Variants in RADX observed in about 807,000 individuals in gnomAD.
RADX encodes the protein RPA-related protein RADX.
In RADX, 36 loss-of-function variants were observed where a neutral mutation model predicts 61.6. That is an observed-to-expected ratio of 0.58 (90% confidence interval 0.45 to 0.77). The LOEUF is 0.77. Among genes scored for constraint, RADX ranks in the 30% least tolerant of loss-of-function variants. RADX has a pLI of 0.00. For missense variants in RADX, 497 were observed against 651.1 expected, an observed-to-expected ratio of 0.76 and a Z score of 2.58; for synonymous variants, 272 against 237.9, an observed-to-expected ratio of 1.14 and a Z score of -1.32.
chrX:106,613,225 G>T (rs1379378316), intron 1 of RADX, among the ~76,000 whole-genome samples: 2 of 111,932 alleles, frequency 1.8e-5, no homozygotes, highest in Non-Finnish European at 3.8e-5. Context: ...ACTTTACATT[G>T]ATTGAAACGC....
chrX:106,643,518 A>G (rs1195456031), intron 10 of RADX, among the ~76,000 whole-genome samples: 4 of 111,315 alleles, frequency 3.6e-5, no homozygotes, highest in African/African-American at 1.3e-4. Context: ...ATGGCAAGAG[A>G]TAGGGGTATA....
At chrX:106,671,164 G>GCT in intron 13 of RADX, among the ~76,000 whole-genome samples, 1 of 111,465 alleles carries the variant, frequency 9.0e-6, no homozygotes, top group Non-Finnish European at 1.9e-5. Context: ...GTATTCTATT[G>GCT]CTCTCTCTCT....
chrX:106,612,513 C>A lies in RADX; in HGVS notation c.433C>A (p.Gln145Lys), dbSNP rs1373547947. Residue 145 changes from glutamine (Q) to lysine (K), a missense_variant, in exon 1 of 14, where the codon CAG becomes AAG. Transcript: ENST00000372548. The part of the protein sequence containing the change: ...SCLYNEKRIG[Q>K]GILCIDNVHC... ...TCTTTACAATGAGAAAAGGATAGGC[C>A]AGGGGATCCTGTGCATAGATAACGT... is the stretch of plus-strand genomic sequence containing the variant. 3.3e-6 allele frequency: 4 copies of A among 1,210,017 alleles called. No individual in the cohort carries two copies. Among genetic ancestry groups the A allele is most frequent in the Non-Finnish European group, 4.5e-6 (4 of 894,158 alleles).
Position 106,632,968 on chromosome X carries a change from T to G in RADX, c.1125T>G (p.Cys375Trp), listed in dbSNP as rs1927270221. 1 of 1,208,580 alleles carries G rather than the reference T, an allele frequency of 8.3e-7. No homozygotes were observed. The highest frequency in any genetic ancestry group is 1.7e-5 in the African/African-American group (1 of 57,253). Residue 375 changes from cysteine (C) to tryptophan (W), a missense_variant, in exon 5 of 14, where the codon TGT (cysteine) becomes TGG (tryptophan). By Grantham distance (215) the Cys-to-Trp change is radical (BLOSUM62 -2). This residue lies in a region of RADX where 196 missense variants were observed against 315.0 expected (regional missense o/e 0.62). Coordinates refer to ENST00000372548, the MANE Select transcript of RADX (RefSeq NM_018015.6). ...ELDDMPENCI[C>W]DVIGLLVFVG... is the part of the protein sequence containing the mutation. Reference sequence around the variant, plus strand: ...ATGATATGCCAGAAAATTGCATCTGTGATGTTATTGGCCTTTTAGTTTTTG... The same window carrying G: ...ATGATATGCCAGAAAATTGCATCTGGGATGTTATTGGCCTTTTAGTTTTTG...
chrX:106,675,022 C>CA (rs10715478), intron 13 of RADX, among the ~76,000 whole-genome samples: 1,260 of 79,999 alleles, frequency 0.016, 14 homozygotes, highest in African/African-American at 0.042. Context: ...GACTCCATCT[C>CA]AAAAAAAAAA....
intron 10 of RADX, among the ~76,000 whole-genome samples, chrX:106,647,680 C>T (rs1026290037): frequency 9.0e-6 from 1 of 111,056 alleles, no homozygotes; most frequent in African/African-American, 3.3e-5. Flanking sequence ...TGGATTTAAG[C>T]CACTTTTACT....
intron 13 of RADX, among the ~76,000 whole-genome samples, chrX:106,677,434 T>TA (rs757301256): frequency 5.1e-4 from 57 of 111,007 alleles, no homozygotes; most frequent in Non-Finnish European, 9.1e-4. Flanking sequence ...TGTCAGCTTA[T>TA]AAGATGCTTT....
chrX:106,655,692 T>C (rs745751143), intron 11 of RADX, among the ~76,000 whole-genome samples: 1 of 111,472 alleles, frequency 9.0e-6, no homozygotes, highest in Admixed American at 9.5e-5. Flanking sequence ...TATGGCTACA[T>C]AGTATTCCAT....
At chrX:106,635,669 T>G (rs1355731736) in intron 6 of RADX, among the ~76,000 whole-genome samples, 1 of 112,274 alleles carries the variant, frequency 8.9e-6, no homozygotes, top group Non-Finnish European at 1.9e-5. Context: ...TGTACAGTTG[T>G]GCTCTGGAGA....
chrX:106,654,059 G>A (rs1445337268), intron 11 of RADX, among the ~76,000 whole-genome samples: 1 of 111,184 alleles, frequency 9.0e-6, no homozygotes, highest in Non-Finnish European at 1.9e-5. Flanking sequence ...CCCAGTAATG[G>A]GATTGCTGGG....
intron 13 of RADX, among the ~76,000 whole-genome samples, chrX:106,671,582 G>A (rs1928361786): frequency 9.0e-6 from 1 of 111,229 alleles, no homozygotes; most frequent in Non-Finnish European, 1.9e-5. Flanking sequence ...ATGTAACTTT[G>A]GTAGATACTG....
chrX:106,662,595 T>A (rs1226254171), intron 12 of RADX, among the ~76,000 whole-genome samples: 3 of 109,475 alleles, frequency 2.7e-5, no homozygotes, highest in African/African-American at 1.0e-4. Flanking sequence ...CAGCTTCTGT[T>A]CTCCCTTAGC....
intron 13 of RADX, among the ~76,000 whole-genome samples, chrX:106,674,246 G>T (rs188595487): frequency 9.0e-6 from 1 of 110,975 alleles, no homozygotes; most frequent in Non-Finnish European, 1.9e-5. Flanking sequence ...CTTCTATTCC[G>T]CCCTCCTGCT....
intron 13 of RADX, among the ~76,000 whole-genome samples, chrX:106,671,878 T>TA (rs1359893321): frequency 8.9e-6 from 1 of 112,075 alleles, no homozygotes; most frequent in African/African-American, 3.2e-5. Flanking sequence ...CTTTGCATAT[T>TA]AAAGAAATTA....
chrX:106,652,573 CATATA>C (rs1449192220), intron 11 of RADX, among the ~76,000 whole-genome samples: 6 of 109,015 alleles, frequency 5.5e-5, no homozygotes, highest in Non-Finnish European at 1.1e-4. Flanking sequence ...ATGTGTATAA[CATATA>C]ATATAATCTT....
Position 106,669,202 on chromosome X carries a change from C to T in RADX, c.2309C>T (p.Pro770Leu), listed in dbSNP as rs767889232. 2 of 1,202,803 alleles carry T rather than the reference C, an allele frequency of 1.7e-6. No homozygotes were observed. The highest frequency in any genetic ancestry group is 1.1e-6 in the Non-Finnish European group (1 of 887,894). ...ATAGCAATCGATGTTGCTTTCCTACCCATGTATTGTCCAGAAGATATTCGA... is the reference window on the plus strand; with the variant it reads ...ATAGCAATCGATGTTGCTTTCCTACTCATGTATTGTCCAGAAGATATTCGA... ...HEIAIDVAFL[P>L]MYCPEDIRTS... Residue 770 changes from proline (P) to leucine (L), a missense_variant, in exon 13 of 14, where the codon CCC (proline) becomes CTC (leucine). Physicochemically the swap from Pro to Leu is moderately conservative, Grantham distance 98. Coordinates refer to ENST00000372548, the MANE Select transcript of RADX (RefSeq NM_018015.6).
At chrX:106,625,699 A>G (rs1158685440) in intron 3 of RADX, among the ~76,000 whole-genome samples, 1 of 111,244 alleles carries the variant, frequency 9.0e-6, no homozygotes, top group African/African-American at 3.3e-5. Context: ...ACTCCCATAT[A>G]CCCTTTACGC....
Position 106,633,405 on chromosome X carries a change from G to A in RADX, c.1303+153G>A, listed in dbSNP as rs1472878741. Reference sequence around the variant, plus strand: ...TTTAAATCTTTTCTATATTAATATCGTTTTTTATAGACATTAACAACCCGT... The same window carrying A: ...TTTAAATCTTTTCTATATTAATATCATTTTTTATAGACATTAACAACCCGT... On this transcript the variant is annotated intron_variant, in intron 6 of 13. Coordinates refer to ENST00000372548, the MANE Select transcript of RADX (RefSeq NM_018015.6). Among the ~76,000 whole-genome samples the A allele has an allele frequency of 4.5e-5, 5 of 111,286 alleles. 1 individual carries two copies. Among genetic ancestry groups the A allele is most frequent in the Admixed American group, 3.8e-4 (4 of 10,395 alleles).
rs772680443 is a variant in RADX at position 106,639,552 on chromosome X, T to C, written c.1599T>C (p.Ser533=). 1 of 1,198,867 alleles carries C rather than the reference T, an allele frequency of 8.3e-7. No individual in the cohort carries two copies. Among genetic ancestry groups the C allele is most frequent in the South Asian group, 1.9e-5 (1 of 53,854 alleles). The part of the protein sequence containing the change: ...IKVESLLTAI[S]EVRKEIEDLQ... ...TTGAGTCGCTCTTGACAGCTATAAGTGAAGTCAGGAAGGAGATTGAAGACT... is the reference window on the plus strand; with the variant it reads ...TTGAGTCGCTCTTGACAGCTATAAGCGAAGTCAGGAAGGAGATTGAAGACT... The change falls in exon 9 of 14, where the codon AGT becomes AGC. Residue 533 remains serine (S), a synonymous_variant. Coordinates refer to ENST00000372548, the MANE Select transcript of RADX (RefSeq NM_018015.6).
Sources: allele counts gnomAD v4.1 joint callset (sites outside exome capture counted in the v4.1 genomes callset), GRCh38; gene constraint gnomAD v4.1.1; regional missense constraint gnomAD v4.1.1; transcripts MANE v1.5; gene names NCBI Gene and HGNC (gene_info 2026-07-23, HGNC 2026-07-21).